Variants in COL1A2 observed in about 807,000 individuals in gnomAD.
COL1A2 encodes the protein collagen alpha-2(I) chain.
A neutral mutation model predicts 174.3 loss-of-function variants in COL1A2; 49 were observed. That is an observed-to-expected ratio of 0.28 (90% CI 0.22 to 0.36). The LOEUF (loss-of-function observed/expected upper bound fraction) is 0.36. Ranked by LOEUF, COL1A2 falls within the 10% of genes least tolerant of loss-of-function variation. The pLI is 1.00. For missense variants in COL1A2, 1,438 were observed against 1,822.7 expected (o/e 0.79, Z 3.84); for synonymous variants, 655 against 606.6 (o/e 1.08, Z -1.17).
intron 11 of COL1A2, 98 bp from the exon 12 acceptor site, chr7:94,406,152 T>C (rs1791791031): frequency 3.9e-6 from 5 of 1,283,612 alleles, no homozygotes; most frequent in Middle Eastern, 1.8e-4. Flanking sequence ...CAGACAAGAC[T>C]TACCCAAGAG....
chr7:94,423,673 C>T (rs191056664), intron 40 of COL1A2: 15 of 163,478 alleles, frequency 9.2e-5, no homozygotes, highest in Non-Finnish European at 1.5e-4. Flanking sequence ...CAGCTCACTG[C>T]GACTTCCGCC....
At chr7:94,413,493 T>C (rs1459997402) in intron 26 of COL1A2, among the ~76,000 whole-genome samples, 197 bp from the exon 27 acceptor site, 2 of 152,228 alleles carry the variant, frequency 1.3e-5, no homozygotes, top group Non-Finnish European at 2.9e-5. Context: ...TAAATATATA[T>C]ACCTACTATG....
chr7:94,426,925 TC>T, intron 46 of COL1A2, 82 bp from the exon 47 acceptor site: 1 of 1,218,968 alleles, frequency 8.2e-7, no homozygotes, highest in Non-Finnish European at 1.2e-6. Context: ...AACTAAAGTT[TC>T]CCATTCAATT....
intron 42 of COL1A2, 77 bp from the exon 43 acceptor site, chr7:94,425,533 A>G (rs933916079): frequency 4.9e-6 from 7 of 1,436,878 alleles, no homozygotes; most frequent in Non-Finnish European, 6.9e-6. Context: ...AGTGATGAAG[A>G]CAGAGTAGCT....
intron 40 of COL1A2, chr7:94,423,999 T>C (rs1186314771): frequency 1.3e-5 from 4 of 318,960 alleles, no homozygotes; most frequent in Non-Finnish European, 2.4e-5. Context: ...GTACAACTAT[T>C]ATGTATCCAT....
chr7:94,428,931 A>G (rs924363414), intron 50 of COL1A2, among the ~76,000 whole-genome samples: 2 of 152,234 alleles, frequency 1.3e-5, no homozygotes, highest in Admixed American at 6.5e-5. Flanking sequence ...GAAGAAGCAT[A>G]TGCAAAAAGG....
Position 94,413,741 on chromosome 7 carries a change from C to T in COL1A2, c.1609C>T (p.Gln537Ter). ...TGGTGCTCAGGGACCTCCTGGACCA[C>T]AGGTGAGTATTTCTCCCACTCTTGT... Reference protein sequence around the residue: ...NNGAQGPPGPQGVQGGKGEQG... With the variant: ...NNGAQGPPGP The change falls in exon 27 of 52, where the codon CAG becomes TAG. Residue 537 changes from glutamine (Q) to a stop codon, truncating the protein, a stop_gained and splice_region_variant. Coordinates refer to ENST00000297268, the MANE Select transcript of COL1A2 (RefSeq NM_000089.4). LOFTEE classifies it high-confidence loss of function. 6.2e-7 allele frequency: 1 copy of T among 1,614,170 alleles called. No homozygotes were observed. Among genetic ancestry groups the T allele is most frequent in the Non-Finnish European group, 8.5e-7 (1 of 1,179,998 alleles).
chr7:94,425,502 G>C (rs962517122), intron 42 of COL1A2, 108 bp from the exon 43 acceptor site: 2 of 1,151,954 alleles, frequency 1.7e-6, no homozygotes, highest in Non-Finnish European at 2.6e-6. Context: ...TCTGAAAGAG[G>C]GTTCGTTACT....
rs1277440101 is a variant in COL1A2, at chr7:94,430,260, A to T, written c.3968A>T (p.Glu1323Val). The T allele has an allele frequency of 1.9e-6, 3 of 1,613,976 alleles. No homozygotes were observed. The Admixed American group carries it at 5.0e-5, about 27-fold the overall frequency. Residue 1323 changes from glutamate to valine, a missense_variant, in exon 52 of 52, where the codon GAA becomes GTA. Physicochemically the swap from Glu to Val is moderately radical, Grantham distance 121 (BLOSUM62 -2). Coordinates refer to ENST00000297268, the MANE Select transcript of COL1A2 (RefSeq NM_000089.4). ...CTCTTTAAACAGAAAAAGACAAATG[A>T]ATGGGGAAAGACAATCATTGAATAC... is the stretch of plus-strand genomic sequence containing the variant. Reference protein sequence around the residue: ...LVDGCSKKTNEWGKTIIEYKT... With the variant: ...LVDGCSKKTNVWGKTIIEYKT...
Position 94,399,051 on chromosome 7 carries a change from C to A in COL1A2, c.99C>A (p.Gly33=). Residue 33 remains glycine, a splice_region_variant and synonymous_variant, in exon 4 of 52, where the codon GGC becomes GGA. Coordinates refer to ENST00000297268, the MANE Select transcript of COL1A2 (RefSeq NM_000089.4). ...TCCTGTTTGTATCTTTCCTGTAGGGCCCAGCCGGAGATAGAGGACCACGTG... is the reference window on the plus strand; with the variant it reads ...TCCTGTTTGTATCTTTCCTGTAGGGACCAGCCGGAGATAGAGGACCACGTG... The part of the protein sequence containing the change: ...QSLQEETVRK[G]PAGDRGPRGE... The A allele has an allele frequency of 6.2e-7, 1 of 1,613,496 alleles. No homozygotes were observed. The highest frequency in any genetic ancestry group is 8.5e-7 in the Non-Finnish European group (1 of 1,179,584).
At chr7:94,418,613 G>A (rs993488976) in intron 33 of COL1A2, 61 bp downstream of exon 33, 1 of 1,443,184 alleles carries the variant, frequency 6.9e-7, no homozygotes, top group Admixed American at 1.7e-5. Context: ...TGTTTGAATT[G>A]AGAAGTTTTC....
At chr7:94,414,991 GA>G (rs1416181821) in intron 29 of COL1A2, among the ~76,000 whole-genome samples, 1 of 152,124 alleles carries the variant, frequency 6.6e-6, no homozygotes, top group African/African-American at 2.4e-5. Flanking sequence ...TAAATAATGG[GA>G]AACAAATTTT....
intron 19 of COL1A2, 111 bp from the exon 20 acceptor site, chr7:94,410,131 G>A: frequency 9.2e-7 from 1 of 1,092,596 alleles, no homozygotes; most frequent in Non-Finnish European, 1.4e-6. Context: ...ACATTTCCTA[G>A]AGAACTTGAG....
chr7:94,412,448 C>T (rs903705496), intron 24 of COL1A2, 136 bp from the exon 25 acceptor site: 4 of 728,072 alleles, frequency 5.5e-6, no homozygotes, highest in Admixed American at 2.3e-5. Flanking sequence ...AAAATGGATT[C>T]ATAATTTATT....
At chr7:94,419,578 C>T (rs760872711) in intron 34 of COL1A2, 27 bp downstream of exon 34, 5 of 1,613,796 alleles carry the variant, frequency 3.1e-6, no homozygotes, top group Non-Finnish European at 4.2e-6. Context: ...ACTAAGCCAA[C>T]AGCAATATCT....
At chr7:94,415,879 G>A (rs1189884022) in intron 30 of COL1A2, among the ~76,000 whole-genome samples, 2 of 152,006 alleles carry the variant, frequency 1.3e-5, no homozygotes, top group African/African-American at 4.8e-5. Context: ...GATGTAAATT[G>A]GGAGATATTT....
At chr7:94,398,471 CTA>C in intron 3 of COL1A2, 75 bp downstream of exon 3, 3 of 618,280 alleles carry the variant, frequency 4.9e-6, no homozygotes, top group Non-Finnish European at 7.7e-6. Context: ...TTATAGTAGA[CTA>C]TAGAAGGAAA....
Position 94,426,020 on chromosome 7 carries a change from C to T in COL1A2, c.2966C>T (p.Pro989Leu), listed in dbSNP as rs1195643876. 3 of 1,613,998 alleles carry T rather than the reference C, an allele frequency of 1.9e-6. No homozygotes were observed. Among genetic ancestry groups the T allele is most frequent in the Non-Finnish European group, 2.5e-6 (3 of 1,180,020 alleles). ...CAGGGTCCTTCTGGTCCTGTTGGTC[C>T]TGCTGGTGCTGTTGGCCCAAGAGGT... ...GETGPSGPVG[P>L]AGAVGPRGPS... The change falls in exon 45 of 52, where the codon CCT becomes CTT. Residue 989 changes from proline (P) to leucine (L), a missense_variant. By Grantham distance (98) the Pro-to-Leu change is moderately conservative. Transcript: ENST00000297268.
chr7:94,405,108 A>T (rs890346813), intron 9 of COL1A2, 91 bp from the exon 10 acceptor site: 2 of 1,334,598 alleles, frequency 1.5e-6, no homozygotes, highest in Non-Finnish European at 2.1e-6. Context: ...TTATGTGATA[A>T]CTTTCTCCCC....
Sources: allele counts gnomAD v4.1 joint callset (sites outside exome capture counted in the v4.1 genomes callset), GRCh38; gene constraint gnomAD v4.1.1; transcripts MANE v1.5; gene names NCBI Gene and HGNC (gene_info 2026-07-23, HGNC 2026-07-21).